C6orf132: variants seen among roughly 807,000 people sequenced by gnomAD.
C6orf132 encodes the protein chromosome 6 open reading frame 132, also known as uncharacterized protein C6orf132.
A neutral mutation model predicts 65.3 loss-of-function variants in C6orf132; 43 were observed. The ratio of observed to expected loss-of-function variants is 0.66; its 90% CI spans 0.52 to 0.85. The LOEUF (loss-of-function observed/expected upper bound fraction) is 0.85, where lower values mean the gene tolerates loss of function less well. Ranked by LOEUF, C6orf132 falls within the 40% of genes least tolerant of loss-of-function variation. The pLI, the probability that C6orf132 is intolerant of heterozygous loss-of-function variation, is 0.00. For synonymous variants in C6orf132, 631 were observed against 654.1 expected (o/e 0.96, Z 0.54); for missense variants, 1,488 against 1,548.8 (o/e 0.96, Z 0.66).
At position 42,105,009 on chromosome 6, in the gene C6orf132, G is replaced by C. The variant is rs1015209209; in HGVS notation, c.2903C>G (p.Pro968Arg). The C allele has an allele frequency of 3.3e-6, 5 of 1,529,214 alleles. No homozygotes were observed. Among genetic ancestry groups the C allele is most frequent in the Non-Finnish European group, 4.4e-6 (5 of 1,144,164 alleles). 94.7% of individuals were successfully genotyped at this position (1,529,214 alleles called of 1,614,324 possible). Residue 968 changes from proline to arginine, a missense_variant, in exon 4 of 5, where the codon CCT becomes CGT. By Grantham distance (103) the Pro-to-Arg change is moderately radical (BLOSUM62 -2). Transcript: ENST00000341865. ...HPLPKSFSSP[P>R]SPSNKREEEE... ...CTCCTCCCTCTTGTTCGAAGGAGAA[G>C]GTGGGGAGGAGAAGGACTTGGGCAG... is the stretch of plus-strand genomic sequence containing the variant.
intron 1 of C6orf132, among the ~76,000 whole-genome samples, chr6:42,129,448 G>A (rs1329543702): frequency 6.6e-6 from 1 of 152,226 alleles, no homozygotes; most frequent in East Asian, 1.9e-4. Context: ...TTTCCCATCC[G>A]TACAGTGGGA....
At chr6:42,114,701 C>A (rs550756192) in intron 2 of C6orf132, among the ~76,000 whole-genome samples, 1 of 152,118 alleles carries the variant, frequency 6.6e-6, no homozygotes, top group Non-Finnish European at 1.5e-5. Flanking sequence ...AAAGGAAAAG[C>A]CTCCTTAAGA....
chr6:42,127,577 C>T (rs901483669), intron 2 of C6orf132, among the ~76,000 whole-genome samples: 1 of 152,146 alleles, frequency 6.6e-6, no homozygotes, highest in African/African-American at 2.4e-5. Flanking sequence ...TCTAACAGGC[C>T]CCTGAGAGCT....
At position 42,105,512 on chromosome 6, in the gene C6orf132, G is replaced by A. The variant is rs886884647; in HGVS notation, c.2400C>T (p.Pro800=). 1.3e-6 allele frequency: 2 copies of A among 1,532,830 alleles called. No homozygotes were observed. The highest frequency in any genetic ancestry group is 2.5e-5 in the East Asian group (1 of 40,810). 95.0% of individuals were successfully genotyped at this position (1,532,830 alleles called of 1,614,324 possible). Residue 800 remains proline (P), a synonymous_variant, in exon 4 of 5, where the codon CCC becomes CCT. Transcript: ENST00000341865. ...GCCCTGGGGGCTCCTTCACCTCCAC[G>A]GGCTCCCCTGGCCCTGCAGCCCCTC... is the stretch of plus-strand genomic sequence containing the variant. ...ARGGAAGPGE[P]VEVKEPPGLP...
intron 2 of C6orf132, among the ~76,000 whole-genome samples, chr6:42,120,082 G>A (rs551920783): frequency 9.4e-4 from 143 of 151,528 alleles, no homozygotes; most frequent in African/African-American, 3.0e-3. Context: ...CAACAAGAGC[G>A]AAACTCCACC....
chr6:42,129,806 C>A (rs768657727), intron 1 of C6orf132, among the ~76,000 whole-genome samples: 26 of 152,292 alleles, frequency 1.7e-4, no homozygotes, highest in Non-Finnish European at 3.4e-4. Flanking sequence ...TCCTCGATAG[C>A]CAAAGAGGAG....
Position 42,106,799 on chromosome 6 carries a change from T to C in C6orf132, c.1113A>G (p.Pro371=), listed in dbSNP as rs1766417411. 6.5e-7 allele frequency: 1 copy of C among 1,534,580 alleles called. No individual in the cohort carries two copies. Among genetic ancestry groups the C allele is most frequent in the African/African-American group, 1.4e-5 (1 of 72,696 alleles). The change falls in exon 4 of 5, where the codon CCA becomes CCG. Residue 371 remains proline, a synonymous_variant. Coordinates refer to ENST00000341865, the MANE Select transcript of C6orf132 (RefSeq NM_001164446.3). ...DCPGELKATA[P]ASPRLGQSQS... ...GGGACTGGCCAAGCCTTGGGCTGGCTGGTGCTGTGGCCTTGAGCTCCCCAG... is the reference window on the plus strand; with the variant it reads ...GGGACTGGCCAAGCCTTGGGCTGGCCGGTGCTGTGGCCTTGAGCTCCCCAG...
At chr6:42,136,228 A>T (rs1314869559) in intron 1 of C6orf132, among the ~76,000 whole-genome samples, 1 of 150,654 alleles carries the variant, frequency 6.6e-6, no homozygotes, top group Non-Finnish European at 1.5e-5. Context: ...TCATATCTGG[A>T]TTCACATCCA....
At chr6:42,117,868 GA>G (rs2127475852) in intron 2 of C6orf132, among the ~76,000 whole-genome samples, 1 of 133,040 alleles carries the variant, frequency 7.5e-6, no homozygotes, top group Admixed American at 8.6e-5. Flanking sequence ...AGATTGCAGT[GA>G]GCCAAGATTG....
In C6orf132 at chr6:42,101,740, G is replaced by A. The variant is rs962875127; in HGVS notation, c.*2021C>T. The A allele has an allele frequency of 2.6e-5, 4 of 152,200 alleles. No individual in the cohort carries two copies. Among genetic ancestry groups the A allele is most frequent in the Non-Finnish European group, 4.4e-5 (3 of 68,054 alleles). The allele number at this position is 152,200 out of a possible 1,614,324, so 9.4% of individuals were successfully genotyped here. A position where few individuals can be genotyped will look rare whatever the true frequency, so the allele number is the denominator to read the frequency against. ...ATAGAGAGCTAGTGCTGGGGCTGGGGTGGGATTTGCTTCTTGAACACAGAT... is the reference window on the plus strand; with the variant it reads ...ATAGAGAGCTAGTGCTGGGGCTGGGATGGGATTTGCTTCTTGAACACAGAT... On this transcript the variant is annotated 3_prime_UTR_variant, in exon 5 of 5. Coordinates refer to ENST00000341865, the MANE Select transcript of C6orf132 (RefSeq NM_001164446.3).
chr6:42,123,805 G>A (rs1296392938), intron 2 of C6orf132, among the ~76,000 whole-genome samples: 5 of 152,100 alleles, frequency 3.3e-5, no homozygotes, highest in Admixed American at 6.5e-5. Context: ...TCCCCAGGCC[G>A]CAGTATTCTC....
At chr6:42,140,984 T>A (rs907250725) in intron 1 of C6orf132, among the ~76,000 whole-genome samples, 1 of 152,246 alleles carries the variant, frequency 6.6e-6, no homozygotes, top group Non-Finnish European at 1.5e-5. Context: ...CTGTTTGTTT[T>A]GCCAGGAATG....
intron 3 of C6orf132, among the ~76,000 whole-genome samples, chr6:42,109,610 C>G (rs575801780): frequency 6.6e-6 from 1 of 152,132 alleles, no homozygotes; most frequent in East Asian, 1.9e-4. Context: ...TGGGGTATTT[C>G]AGGAGCAACA....
At chr6:42,120,239 C>T (rs1050469734) in intron 2 of C6orf132, among the ~76,000 whole-genome samples, 4 of 149,296 alleles carry the variant, frequency 2.7e-5, no homozygotes, top group Non-Finnish European at 3.0e-5. Context: ...GTCTTTATTG[C>T]GAGGTTCTTT....
rs1318457173 is a variant in C6orf132 at position 42,105,079 on chromosome 6, C to G, written c.2833G>C (p.Ala945Pro). 6.5e-7 allele frequency: 1 copy of G among 1,536,960 alleles called. No individual in the cohort carries two copies. The change falls in exon 4 of 5, where the codon GCC (alanine) becomes CCC (proline). Residue 945 changes from alanine to proline, a missense_variant. By Grantham distance (27) the Ala-to-Pro change is conservative. Transcript: ENST00000341865. ...WTKPEPQAPV[A>P]WERVAPSNLP... ...TTGGAGGGAGCTACTCTTTCCCAGG[C>G]CACAGGGGCCTGGGGCTCTGGCTTT... is the stretch of plus-strand genomic sequence containing the variant.
intron 1 of C6orf132, 49 bp from the exon 2 acceptor site, chr6:42,128,827 C>T (rs757452920): frequency 7.1e-7 from 1 of 1,403,842 alleles, no homozygotes; most frequent in South Asian, 1.2e-5. Flanking sequence ...TCCAAGGCAT[C>T]CGGCCACCCA....
chr6:42,109,092 C>T (rs1476681080), intron 3 of C6orf132, among the ~76,000 whole-genome samples: 1 of 152,032 alleles, frequency 6.6e-6, no homozygotes, highest in Admixed American at 6.6e-5. Flanking sequence ...AGGATGAGTG[C>T]GATGGGAAAA....
chr6:42,118,486 T>G (rs1238191554), intron 2 of C6orf132, among the ~76,000 whole-genome samples: 1 of 152,034 alleles, frequency 6.6e-6, no homozygotes, highest in Non-Finnish European at 1.5e-5. Context: ...GGGGTTGCCA[T>G]GTGCCTCAAA....
chr6:42,136,535 G>A (rs1008437686), intron 1 of C6orf132, among the ~76,000 whole-genome samples: 7 of 152,176 alleles, frequency 4.6e-5, no homozygotes, highest in African/African-American at 1.4e-4. Flanking sequence ...CTCCCTCACC[G>A]TAGATATAGA....
Sources: gnomAD v4.1 joint callset for allele counts (sites outside exome capture counted in the v4.1 genomes callset) on GRCh38, gnomAD v4.1.1 for gene constraint, MANE v1.5 for transcripts, NCBI Gene and HGNC (gene_info 2026-07-23, HGNC 2026-07-21) for gene names.